Variants in GALNT13 observed in about 807,000 individuals in gnomAD.
GALNT13 encodes the protein polypeptide N-acetylgalactosaminyltransferase 13, also known as UDP-GalNAc:polypeptide N-acetylgalactosaminyltransferase 13.
Under a neutral mutation model 64.2 loss-of-function variants are expected in GALNT13, and 28 were observed. The observed-to-expected ratio is 0.44, with a 90% CI of 0.32 to 0.60. GALNT13 has a LOEUF of 0.60. Ranked by LOEUF, GALNT13 falls within the 20% of genes least tolerant of loss-of-function variation. The probability of loss-of-function intolerance (pLI) is 0.05; values close to 1 mark genes in which losing one functional copy is unlikely to be tolerated. For synonymous variants in GALNT13, 214 were observed against 224.6 expected, an observed-to-expected ratio of 0.95 and a Z score of 0.42; for missense variants, 577 against 669.8, an observed-to-expected ratio of 0.86 and a Z score of 1.53.
intron 3 of GALNT13, among the ~76,000 whole-genome samples, chr2:153,971,035 C>T (rs144074445): frequency 1.4e-3 from 220 of 152,280 alleles, no homozygotes; most frequent in African/African-American, 4.9e-3. Context: ...GTATTCTCCC[C>T]TTATTCATTC....
intron 3 of GALNT13, among the ~76,000 whole-genome samples, chr2:154,102,047 T>C (rs1028903962): frequency 1.3e-5 from 2 of 152,180 alleles, no homozygotes; most frequent in African/African-American, 4.8e-5. Flanking sequence ...TACCAAGACT[T>C]GCTTTATTGC....
the GALNT13 span, among the ~76,000 whole-genome samples, chr2:153,586,001 G>A: frequency 6.6e-6 from 1 of 151,992 alleles, no homozygotes; most frequent in Non-Finnish European, 1.5e-5. Flanking sequence ...GGAAGCAAAA[G>A]AATGATATTC....
At chr2:153,822,653 C>G in the GALNT13 span, among the ~76,000 whole-genome samples, 1 of 150,900 alleles carries the variant, frequency 6.6e-6, no homozygotes, top group African/African-American at 2.5e-5. Flanking sequence ...GGAAGCATTC[C>G]CCTTAAGGAC....
intron 9 of GALNT13, among the ~76,000 whole-genome samples, chr2:154,388,824 A>T (rs1333003688): frequency 1.3e-5 from 2 of 152,178 alleles, no homozygotes; most frequent in Admixed American, 1.3e-4. Flanking sequence ...TCACAAAAAA[A>T]TTATTAGCTT....
intron 3 of GALNT13, among the ~76,000 whole-genome samples, chr2:153,988,057 CATATATATATAT>C (rs149702413): frequency 8.5e-6 from 1 of 118,186 alleles, no homozygotes; most frequent in Non-Finnish European, 2.1e-5. Context: ...TAGGAGGTGA[CATATATATATAT>C]ATATACACAC....
intron 3 of GALNT13, among the ~76,000 whole-genome samples, chr2:154,128,529 T>C (rs759164584): frequency 2.6e-5 from 4 of 152,078 alleles, no homozygotes; most frequent in Non-Finnish European, 5.9e-5. Flanking sequence ...AAATTAATAA[T>C]GAACAGCAAG....
the GALNT13 span, among the ~76,000 whole-genome samples, chr2:153,439,680 A>T: frequency 1.3e-5 from 2 of 152,180 alleles, no homozygotes; most frequent in Non-Finnish European, 2.9e-5. Flanking sequence ...GCATAGTATT[A>T]GGGTGGGAGT....
intron 9 of GALNT13, among the ~76,000 whole-genome samples, chr2:154,341,174 A>G (rs1253437102): frequency 6.6e-6 from 1 of 152,088 alleles, no homozygotes; most frequent in Non-Finnish European, 1.5e-5. Context: ...AGGCATGTAC[A>G]AAGGAAAAAA....
At chr2:153,817,237 C>T in the GALNT13 span, among the ~76,000 whole-genome samples, 1 of 152,194 alleles carries the variant, frequency 6.6e-6, no homozygotes. Context: ...AAAAACCTGA[C>T]CAAGTTCAGA....
chr2:153,325,114 GTTTTTTTTTTTTT>G, the GALNT13 span, among the ~76,000 whole-genome samples: 6 of 72,680 alleles, frequency 8.3e-5, no homozygotes, highest in East Asian at 4.8e-4. Context: ...CTGGACCTGG[GTTTTTTTTTTTTT>G]TTTTTTTTTT....
intron 7 of GALNT13, among the ~76,000 whole-genome samples, chr2:154,255,526 C>T (rs1559051240): frequency 6.6e-6 from 1 of 152,144 alleles, no homozygotes; most frequent in Non-Finnish European, 1.5e-5. Flanking sequence ...GAGCAAGGGC[C>T]TGAAAGAGTA....
chr2:153,338,694 C>T, the GALNT13 span, among the ~76,000 whole-genome samples: 1 of 152,168 alleles, frequency 6.6e-6, no homozygotes, highest in Admixed American at 6.5e-5. Context: ...TAACTACAGT[C>T]ACCACAATGT....
the GALNT13 span, among the ~76,000 whole-genome samples, chr2:153,313,216 C>T: frequency 6.6e-6 from 1 of 152,106 alleles, no homozygotes; most frequent in Admixed American, 6.6e-5. Flanking sequence ...ATAAATCATT[C>T]TATCATAAAC....
At chr2:153,673,557 C>G in the GALNT13 span, among the ~76,000 whole-genome samples, 1 of 152,052 alleles carries the variant, frequency 6.6e-6, no homozygotes, top group Non-Finnish European at 1.5e-5. Context: ...TAGAACGTAT[C>G]TCAAAATAAT....
the GALNT13 span, among the ~76,000 whole-genome samples, chr2:153,655,956 A>G: frequency 2.0e-5 from 3 of 152,152 alleles, no homozygotes; most frequent in Non-Finnish European, 4.4e-5. Flanking sequence ...TTTAATAGGT[A>G]TAATGTCTTC....
At chr2:154,168,911 T>A (rs1248578295) in intron 4 of GALNT13, among the ~76,000 whole-genome samples, 1 of 152,014 alleles carries the variant, frequency 6.6e-6, no homozygotes, top group Non-Finnish European at 1.5e-5. Context: ...TTCTAGTCCA[T>A]ACACGAAGCA....
chr2:153,202,217 C>T, the GALNT13 span, among the ~76,000 whole-genome samples: 2 of 151,836 alleles, frequency 1.3e-5, no homozygotes, highest in Non-Finnish European at 2.9e-5. Flanking sequence ...ATCTCCTGAC[C>T]TCATGATCCA....
chr2:153,264,451 G>A, the GALNT13 span, among the ~76,000 whole-genome samples: 2 of 152,098 alleles, frequency 1.3e-5, no homozygotes, highest in Non-Finnish European at 2.9e-5. Context: ...ATACCCAAAG[G>A]AATATAAATC....
chr2:153,559,099 C>T, the GALNT13 span, among the ~76,000 whole-genome samples: 7 of 152,022 alleles, frequency 4.6e-5, no homozygotes, highest in African/African-American at 7.2e-5. Context: ...TTATTTCAGC[C>T]ATATATACAT....
Sources: allele counts gnomAD v4.1 joint callset (sites outside exome capture counted in the v4.1 genomes callset), GRCh38; gene constraint gnomAD v4.1.1; transcripts MANE v1.5; gene names NCBI Gene and HGNC (gene_info 2026-07-23, HGNC 2026-07-21).